Variants in NPC1L1 observed in about 807,000 individuals in gnomAD.
NPC1L1 encodes the protein NPC1 like intracellular cholesterol transporter 1.
In NPC1L1, 98 loss-of-function variants were observed where a neutral mutation model predicts 117.0. The ratio of observed to expected loss-of-function variants is 0.84; its 90% confidence interval spans 0.71 to 0.99. The LOEUF (loss-of-function observed/expected upper bound fraction) is 0.99, where lower values mean the gene tolerates loss of function less well. Ranked by LOEUF, NPC1L1 falls within the 50% of genes least tolerant of loss-of-function variation. The pLI is 0.00. For synonymous variants in NPC1L1, 729 were observed against 727.6 expected (o/e 1.00, Z -0.03); for missense variants, 1,540 against 1,710.0 (o/e 0.90, Z 1.75).
At chr7:44,520,176 A>G (rs1056683015) in intron 14 of NPC1L1, among the ~76,000 whole-genome samples, 1 of 151,958 alleles carries the variant, frequency 6.6e-6, no homozygotes, top group Non-Finnish European at 1.5e-5. Context: ...GCTACTCAGG[A>G]GGCTGAGGCA....
chr7:44,536,958 C>A lies in NPC1L1; in HGVS notation c.1581-16G>T, dbSNP rs766725586. On this transcript the variant is annotated splice_polypyrimidine_tract_variant and intron_variant, in intron 2 of 18. Coordinates refer to ENST00000381160, the MANE Select transcript of NPC1L1 (RefSeq NM_001101648.2). This position sits in a 1 kb window ranked among gnomAD's most constrained non-coding sequence, Gnocchi z 4.7. ...GAGCGGGGCACTAGAGGGAGATGAC[C>A]GCAAAGGGAAAGGGCCTTTCCTGGC... The A allele has an allele frequency of 2.5e-6, 4 of 1,610,158 alleles. No homozygotes were observed. The East Asian group carries it at 8.9e-5, about 36-fold the overall frequency.
chr7:44,516,547 A>G (rs879654505), intron 16 of NPC1L1, among the ~76,000 whole-genome samples, 156 bp downstream of exon 16: 1 of 152,212 alleles, frequency 6.6e-6, no homozygotes, highest in Admixed American at 6.5e-5. Context: ...TCGAGGCTAC[A>G]GTGAGCTGTG....
rs777480616 is a variant in NPC1L1 at position 44,516,820 on chromosome 7, G to A, written c.3402C>T (p.Asp1134=). 1 of 1,614,140 alleles carries A rather than the reference G, an allele frequency of 6.2e-7. No individual in the cohort carries two copies. The highest frequency in any genetic ancestry group is 2.2e-5 in the East Asian group (1 of 44,874). ...GCAGGTTGAGGAGGCCGGAGCGCAGGTCCAGGCCCAGCAGGAGGCAGGAGA... is the reference window on the plus strand; with the variant it reads ...GCAGGTTGAGGAGGCCGGAGCGCAGATCCAGGCCCAGCAGGAGGCAGGAGA... ...FAVSCLLLGL[D]LRSGLLNLLS... is the part of the protein sequence containing the mutation. Residue 1134 remains aspartate, a synonymous_variant, in exon 16 of 19, where the codon GAC becomes GAT. Coordinates refer to ENST00000381160, the MANE Select transcript of NPC1L1 (RefSeq NM_001101648.2).
intron 10 of NPC1L1, among the ~76,000 whole-genome samples, chr7:44,528,781 T>C (rs1404958346): frequency 4.0e-5 from 6 of 150,882 alleles, no homozygotes; most frequent in African/African-American, 1.5e-4. Flanking sequence ...CAAAAGAGAG[T>C]AGTAGGACCA....
chr7:44,523,067 T>G (rs1801408946), intron 10 of NPC1L1, among the ~76,000 whole-genome samples: 1 of 152,090 alleles, frequency 6.6e-6, no homozygotes, highest in Non-Finnish European at 1.5e-5. Flanking sequence ...TTTGTTTTGT[T>G]TTGTTTTGTT....
At chr7:44,516,325 C>T (rs901160707) in intron 16 of NPC1L1, 128 bp from the exon 17 acceptor site, 6 of 835,484 alleles carry the variant, frequency 7.2e-6, no homozygotes, top group South Asian at 2.9e-5. Flanking sequence ...AGTATTTGGC[C>T]GGGTGCAGTG....
chr7:44,520,620 C>T, intron 14 of NPC1L1, 145 bp downstream of exon 14: 1 of 769,716 alleles, frequency 1.3e-6, no homozygotes, highest in Non-Finnish European at 2.3e-6. Flanking sequence ...AGCTGGGAAA[C>T]AAGACCCCTG....
Position 44,539,711 on chromosome 7 carries a change from A to C in NPC1L1, c.686T>G (p.Val229Gly). The C allele has an allele frequency of 6.2e-7, 1 of 1,613,950 alleles. No individual in the cohort carries two copies. The highest frequency in any genetic ancestry group is 8.5e-7 in the Non-Finnish European group (1 of 1,180,002). The stretch of plus-strand genomic sequence containing the variant: ...ATTCAGAGGCTGAATCCCACTCCCC[A>C]CGGCCTGGCCAGGCTCCAAGAGGTG... ...TFHLLEPGQA[V>G]GSGIQPLNEG... is the part of the protein sequence containing the mutation. The change falls in exon 2 of 19, where the codon GTG becomes GGG. Residue 229 changes from valine to glycine, a missense_variant. Physicochemically the swap from Val to Gly is moderately radical, Grantham distance 109 (BLOSUM62 -3). This residue lies in a region of NPC1L1 where 793 missense variants were observed against 820.4 expected (regional missense o/e 0.97). Transcript: ENST00000381160. The surrounding 1 kb of genome is among the most constrained non-coding windows in gnomAD (Gnocchi z 4.4).
Position 44,540,066 on chromosome 7 carries a change from T to C in NPC1L1, c.331A>G (p.Thr111Ala). The change falls in exon 2 of 19, where the codon ACC becomes GCC. Residue 111 changes from threonine to alanine, a missense_variant. Transcript: ENST00000381160. ...TTGTCAGAGCAGGCTGGGCAGCGGG[T>C]GAGGAGGGCCTTGGTGATCGACAGA... Reference protein sequence around the residue: ...ASLSITKALLTRCPACSDNFV... With the variant: ...ASLSITKALLARCPACSDNFV... 6.2e-7 allele frequency: 1 copy of C among 1,613,964 alleles called. No homozygotes were observed. The highest frequency in any genetic ancestry group is 8.5e-7 in the Non-Finnish European group (1 of 1,179,972).
At chr7:44,520,658 C>T in intron 14 of NPC1L1, 107 bp downstream of exon 14, 2 of 990,396 alleles carry the variant, frequency 2.0e-6, no homozygotes, top group East Asian at 4.8e-5. Flanking sequence ...GTGAGAACCT[C>T]CTGACAAAGG....
chr7:44,541,069 G>A (rs1161262878), intron 1 of NPC1L1, 137 bp downstream of exon 1: 4 of 895,244 alleles, frequency 4.5e-6, no homozygotes, highest in South Asian at 3.1e-5. Context: ...CATCCCTCAT[G>A]TGTCCAGAGA....
At chr7:44,540,983 C>G (rs778904411) in intron 1 of NPC1L1, among the ~76,000 whole-genome samples, 3 of 152,218 alleles carry the variant, frequency 2.0e-5, no homozygotes, top group Middle Eastern at 6.8e-3. Flanking sequence ...AGTCCAGCAG[C>G]CTCTTTCACC....
At position 44,538,890 on chromosome 7, in the gene NPC1L1, G is replaced by A. The variant is rs1049241399; in HGVS notation, c.1507C>T (p.Leu503Phe). ...YFQNNRTLLL[L>F]TANQTLMGQT... is the part of the protein sequence containing the mutation. ...CCCATCAGTGTCTGGTTGGCTGTGA[G>A]CAGCAGGAGCGTGCGGTTGTTCTGG... Residue 503 changes from leucine (L) to phenylalanine (F), a missense_variant, in exon 2 of 19, where the codon CTC (leucine) becomes TTC (phenylalanine). Transcript: ENST00000381160. This position sits in a 1 kb window ranked among gnomAD's most constrained non-coding sequence, Gnocchi z 5.9. The A allele has an allele frequency of 1.9e-6, 3 of 1,614,104 alleles. No individual in the cohort carries two copies. Among genetic ancestry groups the A allele is most frequent in the Non-Finnish European group, 2.5e-6 (3 of 1,180,032 alleles).
Position 44,516,165 on chromosome 7 carries a change from G to A in NPC1L1, c.3552C>T (p.His1184=), listed in dbSNP as rs1158963909. Residue 1184 remains histidine (H), a synonymous_variant, in exon 17 of 19, where the codon CAC becomes CAT. Transcript: ENST00000381160. The part of the protein sequence containing the change: ...AVGMSVEFVS[H]ITRSFAISTK... ...TGCTGATGGCAAAGGAGCGGGTAATGTGGGACACAAACTCCACAGACATGC... is the reference window on the plus strand; with the variant it reads ...TGCTGATGGCAAAGGAGCGGGTAATATGGGACACAAACTCCACAGACATGC... The A allele has an allele frequency of 6.2e-7, 1 of 1,611,138 alleles. No homozygotes were observed. The highest frequency in any genetic ancestry group is 1.3e-5 in the African/African-American group (1 of 74,930).
Position 44,513,491 on chromosome 7 carries a change from C to G in NPC1L1, c.3955G>C (p.Gly1319Arg). 1 of 1,614,206 alleles carries G rather than the reference C, an allele frequency of 6.2e-7. No individual in the cohort carries two copies. ...TTGGGCAAGAAGTTGCTGATGGCAC[C>G]AGCACCTTTGATAGAACCTTCAAAG... ...HSFEGSIKGA[G>R]AISNFLPNNG... is the part of the protein sequence containing the mutation. Residue 1319 changes from glycine (G) to arginine (R), a missense_variant, in exon 19 of 19, where the codon GGT (glycine) becomes CGT (arginine). This residue lies in a region of NPC1L1 where 742 missense variants were observed against 873.6 expected (regional missense o/e 0.85). Transcript: ENST00000381160.
chr7:44,529,155 ACACACACACG>A (rs1452842958), intron 10 of NPC1L1, among the ~76,000 whole-genome samples: 4 of 128,222 alleles, frequency 3.1e-5, no homozygotes, highest in Admixed American at 7.9e-5. Flanking sequence ...ACACACACAC[ACACACACACG>A]ATCGAGATTG....
intron 10 of NPC1L1, among the ~76,000 whole-genome samples, chr7:44,526,008 A>G (rs1210057338): frequency 6.6e-6 from 1 of 151,870 alleles, no homozygotes; most frequent in East Asian, 2.0e-4. Flanking sequence ...TCTACTGAAA[A>G]TACAAAAATT....
Position 44,535,865 on chromosome 7 carries a change from C to G in NPC1L1, c.1958G>C (p.Ser653Thr). The G allele has an allele frequency of 1.9e-6, 3 of 1,613,374 alleles. No individual in the cohort carries two copies. Among genetic ancestry groups the G allele is most frequent in the Non-Finnish European group, 2.5e-6 (3 of 1,180,020 alleles). Residue 653 changes from serine (S) to threonine (T), a missense_variant, in exon 5 of 19, where the codon AGC (serine) becomes ACC (threonine). Ser to Thr is a moderately conservative substitution (Grantham distance 58). Around this residue, in one of 3 missense-constraint regions of NPC1L1, gnomAD observed 742 missense variants for 873.6 expected, o/e 0.85. Coordinates refer to ENST00000381160, the MANE Select transcript of NPC1L1 (RefSeq NM_001101648.2). ...IFLYISLALG[S>T]YSSWSRVMVD... ...CATCACTCGGCTCCAGCTGGAATAG[C>G]TGCCCAGGGCCAGAGAGATGTACAG...
intron 1 of NPC1L1, 44 bp from the exon 2 acceptor site, chr7:44,540,386 G>T: frequency 6.3e-7 from 1 of 1,578,886 alleles, no homozygotes; most frequent in Non-Finnish European, 8.6e-7. Flanking sequence ...GACACAGCTG[G>T]GTGCCATCCA....
Sources: allele counts gnomAD v4.1 joint callset (sites outside exome capture counted in the v4.1 genomes callset), GRCh38; gene constraint gnomAD v4.1.1; regional missense constraint gnomAD v4.1.1; non-coding constraint Gnocchi (gnomAD v3.1); transcripts MANE v1.5; gene names NCBI Gene and HGNC (gene_info 2026-07-23, HGNC 2026-07-21).